ABCA6: variants seen among roughly 807,000 people sequenced by gnomAD.
ABCA6 encodes ATP-binding cassette sub-family A member 6.
A neutral mutation model predicts 191.2 loss-of-function variants in ABCA6; 164 were observed. The ratio of observed to expected loss-of-function variants is 0.86; its 90% CI spans 0.76 to 0.98. ABCA6 has a LOEUF of 0.98. ABCA6 is among the 50% of genes least tolerant of loss of function. The probability of loss-of-function intolerance (pLI) is 0.00; values close to 1 mark genes in which losing one functional copy is unlikely to be tolerated. For synonymous variants in ABCA6, 636 were observed against 647.7 expected (o/e 0.98, Z 0.27); for missense variants, 1,958 against 1,894.1 (o/e 1.03, Z -0.63).
intron 16 of ABCA6, chr17:69,111,268 A>G (rs1287935048): frequency 5.9e-6 from 1 of 170,062 alleles, no homozygotes; most frequent in South Asian, 1.8e-4. Flanking sequence ...GAAAATAATT[A>G]TTATACCAGA....
chr17:69,099,094 C>G (rs188368603), intron 22 of ABCA6, among the ~76,000 whole-genome samples: 6 of 151,232 alleles, frequency 4.0e-5, no homozygotes, highest in Non-Finnish European at 7.4e-5. Flanking sequence ...AGCACAGAAC[C>G]AAGAAGAAAA....
In ABCA6 at chr17:69,084,277, C is replaced by T. The variant is rs773154094; in HGVS notation, c.4339G>A (p.Gly1447Arg). ...DEPSTGIDPT[G>R]QQQMWQAIQA... ...GATGCTCACCACATTTGCTGCTGCC[C>T]TGTGGGGTCTATGCCCGTAGATGGT... Residue 1447 changes from glycine (G) to arginine (R), a missense_variant, in exon 34 of 39, where the codon GGG becomes AGG. Physicochemically the swap from Gly to Arg is moderately radical, Grantham distance 125. Coordinates refer to ENST00000284425, the MANE Select transcript of ABCA6 (RefSeq NM_080284.3). The T allele has an allele frequency of 5.0e-6, 8 of 1,614,004 alleles. No homozygotes were observed. Among genetic ancestry groups the T allele is most frequent in the Non-Finnish European group, 6.8e-6 (8 of 1,180,006 alleles).
At position 69,123,457 on chromosome 17, in the gene ABCA6, C is replaced by T. The variant is rs376479981; in HGVS notation, c.1268-50G>A. 667 of 1,265,088 alleles carry T rather than the reference C, an allele frequency of 5.3e-4. 8 individuals are homozygous for T. The South Asian group carries it at 0.014, about 26-fold the overall frequency. The allele number at this position is 1,265,088 out of a possible 1,614,324, so 78.4% of individuals were successfully genotyped here. On this transcript the variant is annotated intron_variant, in intron 9 of 38. Coordinates refer to ENST00000284425, the MANE Select transcript of ABCA6 (RefSeq NM_080284.3). The stretch of plus-strand genomic sequence containing the variant: ...TATGATCAGTAATAGTAAAAGAATG[C>T]GCAAAGAAGCCTTGCTAACAACAAT...
chr17:69,118,632 A>T (rs2073581305), intron 10 of ABCA6, among the ~76,000 whole-genome samples: 1 of 152,078 alleles, frequency 6.6e-6, no homozygotes, highest in African/African-American at 2.4e-5. Flanking sequence ...GTGGATTATG[A>T]GTCACTGTTG....
chr17:69,082,328 AACACACAC>A (rs61523425), intron 36 of ABCA6, among the ~76,000 whole-genome samples: 393 of 144,878 alleles, frequency 2.7e-3, no homozygotes, highest in Middle Eastern at 7.1e-3. Flanking sequence ...GACATACACA[AACACACAC>A]ACACACACAC....
rs1255130639 is a variant in ABCA6, at chr17:69,083,330, G to T, written c.4357C>A (p.Gln1453Lys). ...IDPTGQQQMW[Q>K]AIQAVVKNTE... ...TTTTTAACGACTGCCTGGATTGCCT[G>T]CCTGCAGTGAGCAAAAAAATTAACA... Residue 1453 changes from glutamine (Q) to lysine (K), a missense_variant and splice_region_variant, in exon 35 of 39, where the codon CAG becomes AAG. Transcript: ENST00000284425. The T allele has an allele frequency of 6.4e-7, 1 of 1,573,164 alleles. No individual in the cohort carries two copies. Among genetic ancestry groups the T allele is most frequent in the Non-Finnish European group, 8.6e-7 (1 of 1,168,534 alleles).
intron 25 of ABCA6, chr17:69,095,551 T>C (rs2073026554): frequency 6.6e-6 from 1 of 152,142 alleles, no homozygotes; most frequent in Non-Finnish European, 1.5e-5. Flanking sequence ...TTACTTTAAA[T>C]AGCAAAAAAA....
chr17:69,104,764 G>GTTC (rs199587059), intron 20 of ABCA6: 2,212 of 149,362 alleles, frequency 0.015, 23 homozygotes, highest in Non-Finnish European at 0.023. Flanking sequence ...GAGGCCAGGA[G>GTTC]TTCAACACAG....
chr17:69,091,111 A>G (rs369241413), intron 26 of ABCA6, 32 bp downstream of exon 26: 61 of 1,592,910 alleles, frequency 3.8e-5, no homozygotes, highest in Non-Finnish European at 5.0e-5. Context: ...TACATATTCA[A>G]AATTAATGAC....
chr17:69,105,183 A>C (rs1343855744), intron 20 of ABCA6: 3 of 348,666 alleles, frequency 8.6e-6, no homozygotes, highest in Non-Finnish European at 1.5e-5. Context: ...CCAATATAGA[A>C]GTTTATTTGC....
intron 9 of ABCA6, 138 bp downstream of exon 9, chr17:69,124,750 A>G (rs2073717044): frequency 2.2e-6 from 1 of 455,942 alleles, no homozygotes; most frequent in Non-Finnish European, 3.7e-6. Flanking sequence ...CATTAGAACT[A>G]TGAAGTAGAA....
intron 13 of ABCA6, 50 bp downstream of exon 13, chr17:69,114,712 T>C: frequency 6.6e-7 from 1 of 1,506,726 alleles, no homozygotes; most frequent in Non-Finnish European, 9.0e-7. Flanking sequence ...GGTCATGATT[T>C]AATTTGGTAA....
rs1307111722 is a variant in ABCA6, at chr17:69,096,902, A to G, written c.3121-101T>C. The G allele has an allele frequency of 1.4e-5, 14 of 1,032,998 alleles. No individual in the cohort carries two copies. In the Admixed American group the frequency reaches 1.5e-4, roughly 11 times the overall value. The allele number at this position is 1,032,998 out of a possible 1,614,324, so 64.0% of individuals were successfully genotyped here. ...CATTGGAAGAATTTTTAAGATAAAT[A>G]TAATCTAATCTTCTAATATTAAAAA... On this transcript the variant is annotated intron_variant, in intron 23 of 38. Coordinates refer to ENST00000284425, the MANE Select transcript of ABCA6 (RefSeq NM_080284.3).
chr17:69,126,312 T>C (rs1432001969), intron 8 of ABCA6, among the ~76,000 whole-genome samples: 2 of 151,970 alleles, frequency 1.3e-5, no homozygotes, highest in Non-Finnish European at 2.9e-5. Context: ...ATCAAAAGCA[T>C]CAGAATGAAT....
At chr17:69,113,972 T>C (rs2073484844) in intron 13 of ABCA6, among the ~76,000 whole-genome samples, 3 of 152,088 alleles carry the variant, frequency 2.0e-5, no homozygotes. Flanking sequence ...GGTGGGACTG[T>C]AAACTAGTTC....
Position 69,123,337 on chromosome 17 carries a change from A to C in ABCA6, c.1338T>G (p.Thr446=), listed in dbSNP as rs144471953. 2 of 1,576,284 alleles carry C rather than the reference A, an allele frequency of 1.3e-6. No homozygotes were observed. The highest frequency in any genetic ancestry group is 2.4e-5 in the South Asian group (2 of 84,890). The change falls in exon 10 of 39, where the codon ACT becomes ACG. Residue 446 remains threonine, a synonymous_variant. Coordinates refer to ENST00000284425, the MANE Select transcript of ABCA6 (RefSeq NM_080284.3). ...NSSSCFQHQR[T]NAKVIEKEID... The stretch of plus-strand genomic sequence containing the variant: ...TTTCTTTCTCAATAACCTTAGCATT[A>C]GTCCTTTGGTGTTGGAAACAAGATG...
rs751757426 is a variant in ABCA6, at chr17:69,137,485, T to C, written c.112A>G (p.Ile38Val). 5.6e-6 allele frequency: 9 copies of C among 1,612,510 alleles called. No homozygotes were observed. The African/African-American group carries it at 9.4e-5, about 17-fold the overall frequency. ...AGAGCAATACACAGTCCTAGAAGTA[T>C]TGAGAGGCCCCATTCCTGTAATGCA... is the stretch of plus-strand genomic sequence containing the variant. ...RESLLEWGLS[I>V]LLGLCIALFS... The change falls in exon 3 of 39, where the codon ATA (isoleucine) becomes GTA (valine). Residue 38 changes from isoleucine (I) to valine (V), a missense_variant. Physicochemically the swap from Ile to Val is conservative, Grantham distance 29 (BLOSUM62 3). Transcript: ENST00000284425.
chr17:69,085,226 C>T (rs960857291), intron 31 of ABCA6, 44 bp from the exon 32 acceptor site: 8 of 1,550,816 alleles, frequency 5.2e-6, no homozygotes, highest in Non-Finnish European at 1.7e-6. Context: ...AGCCTTTATT[C>T]CAATAGCGTA....
Position 69,091,213 on chromosome 17 carries a change from C to A in ABCA6, c.3458G>T (p.Ser1153Ile). Residue 1153 changes from serine to isoleucine, a missense_variant, in exon 26 of 39, where the codon AGT (serine) becomes ATT (isoleucine). Coordinates refer to ENST00000284425, the MANE Select transcript of ABCA6 (RefSeq NM_080284.3). ...CAATACCATGGTGGTAATCAATATA[C>A]TTAGGTCAAAATGATTGATTAAAGT... is the stretch of plus-strand genomic sequence containing the variant. ...SITLINHFDL[S>I]ILITTMVLVP... The A allele has an allele frequency of 3.1e-6, 5 of 1,611,802 alleles. No homozygotes were observed. The highest frequency in any genetic ancestry group is 4.2e-6 in the Non-Finnish European group (5 of 1,179,226).
Sources: allele counts gnomAD v4.1 joint callset (sites outside exome capture counted in the v4.1 genomes callset), GRCh38; gene constraint gnomAD v4.1.1; transcripts MANE v1.5; gene names NCBI Gene and HGNC (gene_info 2026-07-23, HGNC 2026-07-21).